Variants in DNAI4 observed in about 807,000 individuals in gnomAD.
DNAI4 encodes the protein dynein axonemal intermediate chain 4.
Under a neutral mutation model 105.8 loss-of-function variants are expected in DNAI4, and 85 were observed. The ratio of observed to expected loss-of-function variants is 0.80; its 90% CI spans 0.67 to 0.96. The LOEUF is 0.96. DNAI4 is among the 40% of genes least tolerant of loss of function. The pLI is 0.00. For missense variants in DNAI4, 1,014 were observed against 1,005.6 expected (o/e 1.01, Z -0.11); for synonymous variants, 352 against 331.5 (o/e 1.06, Z -0.67).
chr1:66,915,902 A>T (rs2100882473), intron 1 of DNAI4, among the ~76,000 whole-genome samples: 1 of 152,264 alleles, frequency 6.6e-6, no homozygotes, highest in Non-Finnish European at 1.5e-5. Context: ...TGGGCAGGTC[A>T]CCTGAGGCCA....
intron 4 of DNAI4, among the ~76,000 whole-genome samples, chr1:66,878,013 C>G (rs908264263): frequency 1.3e-5 from 2 of 152,102 alleles, no homozygotes; most frequent in Admixed American, 1.3e-4. Flanking sequence ...TCCCCCCTCT[C>G]TCTTTTACAT....
At chr1:66,897,705 A>C (rs1232048583) in intron 2 of DNAI4, among the ~76,000 whole-genome samples, 1 of 152,230 alleles carries the variant, frequency 6.6e-6, no homozygotes. Context: ...GGCTGTGCCC[A>C]CTACTCCAGA....
chr1:66,863,125 C>A (rs1256818524), intron 6 of DNAI4, among the ~76,000 whole-genome samples: 1 of 152,144 alleles, frequency 6.6e-6, no homozygotes, highest in Non-Finnish European at 1.5e-5. Context: ...CAATGGTTTG[C>A]AAACAAATAT....
At chr1:66,845,839 C>CGT (rs143467352) in intron 8 of DNAI4, among the ~76,000 whole-genome samples, 118 of 115,272 alleles carry the variant, frequency 1.0e-3, no homozygotes, top group Admixed American at 5.0e-3. Context: ...CAGAGCAATG[C>CGT]GTGTGTGTGT....
At chr1:66,847,094 C>T (rs144621236) in intron 8 of DNAI4, among the ~76,000 whole-genome samples, 66 of 152,268 alleles carry the variant, frequency 4.3e-4, no homozygotes, top group South Asian at 1.9e-3. Flanking sequence ...GCTATAGATG[C>T]TTAGGAAGTT....
intron 13 of DNAI4, among the ~76,000 whole-genome samples, chr1:66,831,297 G>A (rs1047219995): frequency 5.3e-5 from 8 of 151,982 alleles, no homozygotes; most frequent in Admixed American, 3.9e-4. Context: ...GGAATTCTAC[G>A]CAGGCATGAT....
At chr1:66,836,176 G>T (rs993443755) in intron 10 of DNAI4, among the ~76,000 whole-genome samples, 8 of 53,890 alleles carry the variant, frequency 1.5e-4, no homozygotes, top group African/African-American at 5.2e-4. Context: ...AAGAAAGAAA[G>T]AAAGAAAGAA....
At chr1:66,815,653 T>C (rs763412371) in intron 16 of DNAI4, among the ~76,000 whole-genome samples, 110 of 152,278 alleles carry the variant, frequency 7.2e-4, no homozygotes, top group Non-Finnish European at 1.4e-3. Context: ...GAGTTGCTTC[T>C]GTAACTCTCC....
At chr1:66,817,695 G>A (rs1445508186) in intron 16 of DNAI4, among the ~76,000 whole-genome samples, 1 of 152,166 alleles carries the variant, frequency 6.6e-6, no homozygotes, top group East Asian at 1.9e-4. Context: ...TAATGATACA[G>A]TAAATCAATG....
At chr1:66,833,496 G>A in intron 13 of DNAI4, 89 bp downstream of exon 13, 3 of 1,418,066 alleles carry the variant, frequency 2.1e-6, no homozygotes, top group East Asian at 2.3e-5. Context: ...TCATTAACAG[G>A]CTAATATTTG....
intron 1 of DNAI4, among the ~76,000 whole-genome samples, chr1:66,910,551 C>T (rs372835894): frequency 6.6e-6 from 1 of 152,218 alleles, no homozygotes; most frequent in Non-Finnish European, 1.5e-5. Flanking sequence ...TGAAAAACTA[C>T]CCTCTCCCCA....
At chr1:66,820,763 T>C (rs1572583071) in intron 16 of DNAI4, among the ~76,000 whole-genome samples, 1 of 151,114 alleles carries the variant, frequency 6.6e-6, no homozygotes, top group East Asian at 1.9e-4. Context: ...AGTAAAGAAA[T>C]AAGCCCTGTG....
rs1647575179 is a variant in DNAI4 at position 66,890,897 on chromosome 1, G to A, written c.643+257C>T. ...AGAAGAAGAAGAAGCAGAAGCAGCA[G>A]CAGCAACAGCAGCAGCAGAAGCAGC... On this transcript the variant is annotated intron_variant, in intron 4 of 16. Transcript: ENST00000371026. This position sits in a 1 kb window ranked among gnomAD's most constrained non-coding sequence, Gnocchi z 4.1. The A allele has an allele frequency of 1.2e-5, 6 of 506,432 alleles. No individual in the cohort carries two copies. The highest frequency in any genetic ancestry group is 6.8e-5 in the Admixed American group (2 of 29,578). The allele number at this position is 506,432 out of a possible 1,614,324, so 31.4% of individuals were successfully genotyped here.
intron 2 of DNAI4, among the ~76,000 whole-genome samples, chr1:66,901,831 G>T (rs569956567): frequency 3.8e-4 from 58 of 152,260 alleles, no homozygotes; most frequent in African/African-American, 1.4e-3. Context: ...CTGTCATTTA[G>T]GCTAGAGTGC....
intron 6 of DNAI4, among the ~76,000 whole-genome samples, chr1:66,866,600 T>C (rs748563106): frequency 4.6e-5 from 7 of 152,200 alleles, no homozygotes; most frequent in Non-Finnish European, 8.8e-5. Flanking sequence ...TATTGTCTTC[T>C]TCTTTTTTGT....
intron 7 of DNAI4, among the ~76,000 whole-genome samples, chr1:66,857,260 C>T (rs1646520741): frequency 6.9e-6 from 1 of 143,956 alleles, no homozygotes; most frequent in African/African-American, 2.6e-5. Context: ...ACCACATGTT[C>T]TCACTCATAG....
At chr1:66,814,611 G>T (rs1024253688) in intron 16 of DNAI4, among the ~76,000 whole-genome samples, 3 of 152,038 alleles carry the variant, frequency 2.0e-5, no homozygotes, top group African/African-American at 4.8e-5. Context: ...CTCATGATTC[G>T]CCCACCTTGG....
chr1:66,867,381 T>C (rs72671675), intron 6 of DNAI4, among the ~76,000 whole-genome samples: 20,251 of 152,172 alleles, frequency 0.13, 1,423 homozygotes, highest in Middle Eastern at 0.2. Context: ...CTCCCCTCCA[T>C]TTTCTATTTT....
intron 1 of DNAI4, among the ~76,000 whole-genome samples, chr1:66,924,077 G>A (rs1302339234): frequency 1.3e-5 from 2 of 152,242 alleles, no homozygotes; most frequent in African/African-American, 4.8e-5. Flanking sequence ...AAAGCATCAA[G>A]CTTGAGAGAC....
Sources: gnomAD v4.1 joint callset for allele counts (sites outside exome capture counted in the v4.1 genomes callset) on GRCh38, gnomAD v4.1.1 for gene constraint, Gnocchi (gnomAD v3.1) non-coding constraint, MANE v1.5 for transcripts, NCBI Gene and HGNC (gene_info 2026-07-23, HGNC 2026-07-21) for gene names.